The following SCHIP1 variants were observed in gnomAD, a reference collection of about 807,000 sequenced individuals.
SCHIP1 encodes the protein schwannomin-interacting protein 1.
Under a neutral mutation model 29.7 loss-of-function variants are expected in SCHIP1, and 8 were observed. The ratio of observed to expected loss-of-function variants is 0.27; its 90% CI spans 0.16 to 0.49. The LOEUF is 0.49. SCHIP1 is among the 20% of genes least tolerant of loss of function. The probability of loss-of-function intolerance (pLI) is 0.99; values close to 1 mark genes in which losing one functional copy is unlikely to be tolerated. For synonymous variants in SCHIP1, 76 were observed against 94.9 expected (o/e 0.80, Z 1.16); for missense variants, 193 against 294.6 (o/e 0.66, Z 2.52).
At chr3:159,816,102 C>T in the SCHIP1 span, among the ~76,000 whole-genome samples, 163 of 152,098 alleles carry the variant, frequency 1.1e-3, no homozygotes, top group African/African-American at 3.8e-3. Context: ...GTGCATGCCA[C>T]CACACCAGGC....
the SCHIP1 span, among the ~76,000 whole-genome samples, chr3:159,815,471 G>A: frequency 5.9e-5 from 9 of 152,248 alleles, no homozygotes; most frequent in Middle Eastern, 3.4e-3. Flanking sequence ...TGACACCTTG[G>A]GGGGATGAAA....
the SCHIP1 span, among the ~76,000 whole-genome samples, chr3:159,538,150 G>A: frequency 6.6e-6 from 1 of 152,108 alleles, no homozygotes; most frequent in African/African-American, 2.4e-5. Flanking sequence ...TGTAGTGCAA[G>A]GAGTTGCTAT....
chr3:159,820,543 G>C, the SCHIP1 span, among the ~76,000 whole-genome samples: 3 of 152,180 alleles, frequency 2.0e-5, no homozygotes, highest in Non-Finnish European at 2.9e-5. Context: ...CTTTCAGTCT[G>C]TCTGAAATGA....
At chr3:159,330,489 T>A in the SCHIP1 span, among the ~76,000 whole-genome samples, 1 of 152,202 alleles carries the variant, frequency 6.6e-6, no homozygotes, top group African/African-American at 2.4e-5. Context: ...CTAATAAATA[T>A]TCGGCTTAGA....
chr3:159,718,936 G>T, the SCHIP1 span, among the ~76,000 whole-genome samples: 3 of 152,100 alleles, frequency 2.0e-5, no homozygotes, highest in Non-Finnish European at 4.4e-5. Context: ...ACAATCCTAA[G>T]CAAAAAGAAC....
At chr3:159,889,842 A>G (rs1250652896) in intron 5 of SCHIP1, among the ~76,000 whole-genome samples, 2 of 152,194 alleles carry the variant, frequency 1.3e-5, no homozygotes, top group Non-Finnish European at 2.9e-5. Context: ...CATGCCTGTG[A>G]TCCCAGCACT....
the SCHIP1 span, among the ~76,000 whole-genome samples, chr3:159,503,948 A>G: frequency 6.6e-6 from 1 of 152,240 alleles, no homozygotes; most frequent in African/African-American, 2.4e-5. Flanking sequence ...ATTATGATAC[A>G]GAATGGGAGA....
the SCHIP1 span, among the ~76,000 whole-genome samples, chr3:159,608,260 G>C: frequency 8.0e-4 from 122 of 152,310 alleles, 1 homozygote; most frequent in South Asian, 0.021. Context: ...TTCACAGATT[G>C]AGAGGTTCAT....
chr3:159,588,498 G>A, the SCHIP1 span, among the ~76,000 whole-genome samples: 9 of 152,138 alleles, frequency 5.9e-5, no homozygotes, highest in Admixed American at 4.6e-4. Flanking sequence ...TTTTGGCTTT[G>A]TTGCCATTGC....
the SCHIP1 span, among the ~76,000 whole-genome samples, chr3:159,349,262 A>AG: frequency 6.6e-6 from 1 of 152,178 alleles, no homozygotes; most frequent in African/African-American, 2.4e-5. Flanking sequence ...ATGTCGTGCA[A>AG]GCGATGTTCA....
chr3:159,383,189 A>G, the SCHIP1 span, among the ~76,000 whole-genome samples: 19 of 150,688 alleles, frequency 1.3e-4, no homozygotes, highest in Admixed American at 1.3e-3. Context: ...GCCCATGCCT[A>G]TGTCCTGAAT....
the SCHIP1 span, among the ~76,000 whole-genome samples, chr3:159,528,943 T>C: frequency 1.3e-5 from 2 of 152,202 alleles, no homozygotes; most frequent in Non-Finnish European, 2.9e-5. Flanking sequence ...TGACAATGTA[T>C]ACATTTGGGG....
chr3:159,823,610 A>G, the SCHIP1 span, among the ~76,000 whole-genome samples: 21 of 152,240 alleles, frequency 1.4e-4, no homozygotes, highest in East Asian at 1.4e-3. Context: ...TTCCCCTCCT[A>G]TGAAGGGAAG....
the SCHIP1 span, among the ~76,000 whole-genome samples, chr3:159,373,562 C>T: frequency 6.6e-6 from 1 of 152,114 alleles, no homozygotes; most frequent in Admixed American, 6.6e-5. Context: ...CATCATCTCC[C>T]TATTTCCCTC....
At chr3:159,488,327 A>G in the SCHIP1 span, among the ~76,000 whole-genome samples, 2 of 152,204 alleles carry the variant, frequency 1.3e-5, no homozygotes, top group Non-Finnish European at 2.9e-5. Context: ...AACGGAGAGT[A>G]TAAATGAATC....
the SCHIP1 span, among the ~76,000 whole-genome samples, chr3:159,552,450 A>C: frequency 6.6e-6 from 1 of 151,150 alleles, no homozygotes; most frequent in Non-Finnish European, 1.5e-5. Context: ...ATGAATCGAC[A>C]AAAAAAAATA....
At chr3:159,691,878 T>C in the SCHIP1 span, among the ~76,000 whole-genome samples, 1 of 152,198 alleles carries the variant, frequency 6.6e-6, no homozygotes, top group Admixed American at 6.5e-5. Flanking sequence ...TAGCAGGATA[T>C]GAAATTCTGG....
At chr3:159,487,910 G>A in the SCHIP1 span, among the ~76,000 whole-genome samples, 1 of 152,310 alleles carries the variant, frequency 6.6e-6, no homozygotes, top group South Asian at 2.1e-4. Flanking sequence ...TAAGTGACAT[G>A]ATAATTAGAC....
chr3:159,781,161 A>G, the SCHIP1 span, among the ~76,000 whole-genome samples: 6 of 152,138 alleles, frequency 3.9e-5, no homozygotes, highest in African/African-American at 1.4e-4. Flanking sequence ...TTCTGAATCC[A>G]TTTTGGAGCA....
Sources: gnomAD v4.1 joint callset for allele counts (sites outside exome capture counted in the v4.1 genomes callset) on GRCh38, gnomAD v4.1.1 for gene constraint, MANE v1.5 for transcripts, NCBI Gene and HGNC (gene_info 2026-07-23, HGNC 2026-07-21) for gene names.